GUCY1A1: variants seen among roughly 807,000 people sequenced by gnomAD.
GUCY1A1 encodes guanylate cyclase soluble subunit alpha-1.
Under a neutral mutation model 64.5 loss-of-function variants are expected in GUCY1A1, and 48 were observed. The observed-to-expected ratio is 0.74, with a 90% confidence interval of 0.59 to 0.95. GUCY1A1 has a LOEUF of 0.95. Among genes scored for constraint, GUCY1A1 ranks in the 40% least tolerant of loss-of-function variants. The pLI, the probability that GUCY1A1 is intolerant of heterozygous loss-of-function variation, is 0.00. For synonymous variants in GUCY1A1, 308 were observed against 303.4 expected (o/e 1.02, Z -0.16); for missense variants, 804 against 825.3 (o/e 0.97, Z 0.32).
At position 155,711,186 on chromosome 4, in the gene GUCY1A1, A is replaced by C; in HGVS notation, c.1021A>C (p.Met341Leu). Residue 341 changes from methionine to leucine, a missense_variant, in exon 6 of 10, where the codon ATG becomes CTG. Physicochemically the swap from Met to Leu is conservative, Grantham distance 15 (BLOSUM62 2). Coordinates refer to ENST00000506455, the MANE Select transcript of GUCY1A1 (RefSeq NM_001130682.3). ...INQTFSGIMTMLNMQFVVRVR... is the reference protein window; with the variant it reads ...INQTFSGIMTLLNMQFVVRVR... ...CCAGACGTTTAGCGGGATCATGACT[A>C]TGTTGAATATGCAGTTTGTTGTACG... 6.2e-7 allele frequency: 1 copy of C among 1,613,608 alleles called. No individual in the cohort carries two copies. The highest frequency in any genetic ancestry group is 8.5e-7 in the Non-Finnish European group (1 of 1,179,504).
In GUCY1A1 at chr4:155,722,031, C is replaced by A. The variant is rs2306554; in HGVS notation, c.1717-7C>A. 0.36 allele frequency: 580,859 copies of A among 1,596,470 alleles called. 111,263 individuals carry two copies. The highest frequency in any genetic ancestry group is 0.53 in the East Asian group (23,654 of 44,706). On this transcript the variant is annotated splice_polypyrimidine_tract_variant and splice_region_variant and intron_variant, in intron 8 of 9. Coordinates refer to ENST00000506455, the MANE Select transcript of GUCY1A1 (RefSeq NM_001130682.3). ...ACTGGGAACATCATGTTATTTTTTG[C>A]TTTCAGATGCGAATTGGACTGCACT... is the stretch of plus-strand genomic sequence containing the variant.
At chr4:155,714,448 G>A (rs949970197) in intron 7 of GUCY1A1, among the ~76,000 whole-genome samples, 4 of 152,176 alleles carry the variant, frequency 2.6e-5, no homozygotes, top group Non-Finnish European at 5.9e-5. Flanking sequence ...CTTTTTAAAC[G>A]TAACTACTAT....
In GUCY1A1 at chr4:155,697,119, A is replaced by G. The variant is rs750562659; in HGVS notation, c.252A>G (p.Pro84=). ...LAESICKLIF[P]EFERLNVALQ... ...AGAGTATTTGCAAACTGATTTTCCC[A>G]GAGGTGAGTGCGTGCTCTTTAGATT... Residue 84 remains proline, a synonymous_variant, in exon 3 of 10, where the codon CCA becomes CCG. Coordinates refer to ENST00000506455, the MANE Select transcript of GUCY1A1 (RefSeq NM_001130682.3). 1.9e-6 allele frequency: 3 copies of G among 1,611,574 alleles called. No individual in the cohort carries two copies. The highest frequency in any genetic ancestry group is 2.5e-6 in the Non-Finnish European group (3 of 1,177,770).
intron 4 of GUCY1A1, among the ~76,000 whole-genome samples, 188 bp from the exon 5 acceptor site, chr4:155,708,048 A>T (rs1732033587): frequency 6.6e-6 from 1 of 152,148 alleles, no homozygotes; most frequent in Admixed American, 6.5e-5. Flanking sequence ...CATATTGGCC[A>T]GGCTGCTCTT....
intron 3 of GUCY1A1, 98 bp from the exon 4 acceptor site, chr4:155,703,834 T>C: frequency 1.3e-6 from 1 of 751,774 alleles, no homozygotes; most frequent in Non-Finnish European, 2.3e-6. Context: ...ATGTGCTTTA[T>C]TCTCGAAAAT....
At chr4:155,680,460 A>G (rs913900182) in intron 2 of GUCY1A1, among the ~76,000 whole-genome samples, 5 of 149,520 alleles carry the variant, frequency 3.3e-5, no homozygotes, top group African/African-American at 7.4e-5. Flanking sequence ...TTTTAAGTAT[A>G]TGTGTGTGTG....
chr4:155,685,913 C>G (rs1212455110), intron 2 of GUCY1A1, among the ~76,000 whole-genome samples: 1 of 152,144 alleles, frequency 6.6e-6, no homozygotes, highest in Non-Finnish European at 1.5e-5. Context: ...GTTCTGTACT[C>G]ACAAGGTCAC....
chr4:155,714,740 A>T (rs1236288133), intron 7 of GUCY1A1, among the ~76,000 whole-genome samples: 3 of 152,196 alleles, frequency 2.0e-5, no homozygotes, highest in Non-Finnish European at 2.9e-5. Context: ...TGCCAGAAGT[A>T]AAACCTTACT....
intron 9 of GUCY1A1, among the ~76,000 whole-genome samples, chr4:155,729,762 C>T (rs1204966381): frequency 6.6e-6 from 1 of 151,796 alleles, no homozygotes; most frequent in Non-Finnish European, 1.5e-5. Context: ...GCAAATTGCA[C>T]TGTTGTGTGG....
At position 155,713,215 on chromosome 4, in the gene GUCY1A1, G is replaced by T. The variant is rs540786614; in HGVS notation, c.1204G>T (p.Asp402Tyr). ...TACAGGACGAGGGCTCTACCTCTCAGACATCCCAATTCACAATGCACTGAG... is the reference window on the plus strand; with the variant it reads ...TACAGGACGAGGGCTCTACCTCTCATACATCCCAATTCACAATGCACTGAG... ...DFTGRGLYLS[D>Y]IPIHNALRDV... is the part of the protein sequence containing the mutation. The change falls in exon 7 of 10, where the codon GAC becomes TAC. Residue 402 changes from aspartate (D) to tyrosine (Y), a missense_variant. Coordinates refer to ENST00000506455, the MANE Select transcript of GUCY1A1 (RefSeq NM_001130682.3). 1 of 1,614,122 alleles carries T rather than the reference G, an allele frequency of 6.2e-7. No individual in the cohort carries two copies. Among genetic ancestry groups the T allele is most frequent in the East Asian group, 2.2e-5 (1 of 44,872 alleles).
rs745784708 is a variant in GUCY1A1 at position 155,735,081 on chromosome 4, T to C, written c.*4850T>C. On this transcript the variant is annotated 3_prime_UTR_variant, in exon 10 of 10. Transcript: ENST00000506455. The stretch of plus-strand genomic sequence containing the variant: ...GATGATGTGCACTCATTCAGTATTC[T>C]TATTTTAAGCTGCAGTAATCACTGT... 9.9e-5 allele frequency: 15 copies of C among 151,976 alleles called. No individual in the cohort carries two copies. The highest frequency in any genetic ancestry group is 2.2e-4 in the Non-Finnish European group (15 of 67,946). The allele number at this position is 151,976 out of a possible 1,614,324, so 9.4% of individuals were successfully genotyped here. A position where few individuals can be genotyped will look rare whatever the true frequency, so the allele number is the denominator to read the frequency against.
intron 2 of GUCY1A1, among the ~76,000 whole-genome samples, chr4:155,671,713 G>T (rs904176254): frequency 6.6e-6 from 1 of 151,960 alleles, no homozygotes; most frequent in African/African-American, 2.4e-5. Flanking sequence ...TTCAGCTATC[G>T]AATTTGTCTC....
At chr4:155,702,175 A>C (rs953070448) in intron 3 of GUCY1A1, among the ~76,000 whole-genome samples, 2 of 152,134 alleles carry the variant, frequency 1.3e-5, no homozygotes, top group African/African-American at 2.4e-5. Context: ...AAAATTTACA[A>C]AGTTGGCGAG....
At chr4:155,674,319 A>T (rs1578994455) in intron 2 of GUCY1A1, among the ~76,000 whole-genome samples, 1 of 149,866 alleles carries the variant, frequency 6.7e-6, no homozygotes, top group Non-Finnish European at 1.5e-5. Context: ...GCGCCACTGC[A>T]CTCCAGCCTG....
intron 2 of GUCY1A1, among the ~76,000 whole-genome samples, chr4:155,675,472 G>A (rs1734779140): frequency 6.6e-6 from 1 of 151,540 alleles, no homozygotes; most frequent in Non-Finnish European, 1.5e-5. Flanking sequence ...TTGTAAATAT[G>A]ATTAGCAAAA....
At position 155,720,223 on chromosome 4, in the gene GUCY1A1, A is replaced by G. The variant is rs1298456348; in HGVS notation, c.1717-1815A>G. Among the ~76,000 whole-genome samples the G allele has an allele frequency of 3.7e-4, 57 of 152,146 alleles. 1 individual carries two copies. The highest frequency in any genetic ancestry group is 3.7e-3 in the Admixed American group (57 of 15,248). On this transcript the variant is annotated intron_variant, in intron 8 of 9. Transcript: ENST00000506455. ...ATTTAATATATAATAAGCTGGAGTA[A>G]CTAAGTATAGGAAGAAAAACTGGTT...
intron 2 of GUCY1A1, among the ~76,000 whole-genome samples, chr4:155,684,525 C>A (rs748108758): frequency 6.6e-6 from 1 of 152,168 alleles, no homozygotes; most frequent in African/African-American, 2.4e-5. Context: ...AGGTACCTGA[C>A]TACCCATCAA....
At chr4:155,682,530 G>A (rs1735931608) in intron 2 of GUCY1A1, among the ~76,000 whole-genome samples, 1 of 152,056 alleles carries the variant, frequency 6.6e-6, no homozygotes. Context: ...GCATTAGCTG[G>A]GCGTGGTGGT....
chr4:155,701,169 T>G (rs1731035894), intron 3 of GUCY1A1, among the ~76,000 whole-genome samples: 1 of 152,198 alleles, frequency 6.6e-6, no homozygotes, highest in Non-Finnish European at 1.5e-5. Context: ...GTTCTGTCTC[T>G]TATGGGTTTT....
Sources: gnomAD v4.1 joint callset for allele counts (sites outside exome capture counted in the v4.1 genomes callset) on GRCh38, gnomAD v4.1.1 for gene constraint, MANE v1.5 for transcripts, NCBI Gene and HGNC (gene_info 2026-07-23, HGNC 2026-07-21) for gene names.